INPP4B: variants seen among roughly 807,000 people sequenced by gnomAD.
INPP4B encodes the protein inositol polyphosphate 4-phosphatase type II.
INPP4B carries 55 observed loss-of-function variants against 122.5 expected under a neutral mutation model. The ratio of observed to expected loss-of-function variants is 0.45; its 90% confidence interval spans 0.36 to 0.56. The LOEUF (loss-of-function observed/expected upper bound fraction) is 0.56, where lower values mean the gene tolerates loss of function less well. Ranked by LOEUF, INPP4B falls within the 20% of genes least tolerant of loss-of-function variation. INPP4B has a pLI of 0.00. For synonymous variants in INPP4B, 403 were observed against 388.7 expected, an observed-to-expected ratio of 1.04 and a Z score of -0.43; for missense variants, 1,000 against 1,097.7, an observed-to-expected ratio of 0.91 and a Z score of 1.26.
chr4:142,694,688 T>C (rs1760772528), intron 2 of INPP4B, among the ~76,000 whole-genome samples: 1 of 152,168 alleles, frequency 6.6e-6, no homozygotes, highest in South Asian at 2.1e-4. Flanking sequence ...GGTCAGACAT[T>C]ATCTGCAGCT....
intron 1 of INPP4B, among the ~76,000 whole-genome samples, chr4:142,801,906 A>G (rs1283462626): frequency 2.6e-5 from 4 of 152,104 alleles, no homozygotes; most frequent in Non-Finnish European, 5.9e-5. Context: ...TCTGGTAAAT[A>G]CTCCATAGTT....
At position 142,024,412 on chromosome 4, in the gene INPP4B, A is replaced by C. The variant is rs1736391888; in HGVS notation, c.*4370T>G. ...CAAATCATTCTTTTTGGTCGTGCAT[A>C]ATTTTTAAGGCCTCCAGCTACTATG... On this transcript the variant is annotated 3_prime_UTR_variant, in exon 26 of 26. Transcript: ENST00000262992. 1 of 152,158 alleles carries C rather than the reference A, an allele frequency of 6.6e-6. No individual in the cohort carries two copies. The highest frequency in any genetic ancestry group is 6.5e-5 in the Admixed American group (1 of 15,272). The allele number at this position is 152,158 out of a possible 1,614,324, so 9.4% of individuals were successfully genotyped here.
At chr4:142,609,219 C>T (rs983832316) in intron 2 of INPP4B, among the ~76,000 whole-genome samples, 1 of 151,190 alleles carries the variant, frequency 6.6e-6, no homozygotes, top group African/African-American at 2.4e-5. Flanking sequence ...TATATTTAAA[C>T]ATAAATACTT....
intron 2 of INPP4B, among the ~76,000 whole-genome samples, chr4:142,713,648 A>G (rs147983682): frequency 1.3e-5 from 2 of 152,164 alleles, no homozygotes; most frequent in Non-Finnish European, 2.9e-5. Context: ...TCCAAAATCA[A>G]CCTTTCCAGA....
At chr4:142,789,156 C>T (rs894878117) in intron 1 of INPP4B, among the ~76,000 whole-genome samples, 1 of 152,066 alleles carries the variant, frequency 6.6e-6, no homozygotes, top group African/African-American at 2.4e-5. Flanking sequence ...TGAAAGCATT[C>T]CCTCTGAGAA....
chr4:142,215,799 G>A lies in INPP4B; in HGVS notation c.837-6773C>T, dbSNP rs541874969. Among the ~76,000 whole-genome samples, 35 of 150,258 alleles carry A rather than the reference G, an allele frequency of 2.3e-4. 2 individuals carry two copies. The South Asian group carries it at 4.5e-3, about 19-fold the overall frequency. ...TCCCAGCTACTCGGGAGGCTGAGGCGGGAGAATGGTGTGAACCCAGGAGGC... is the reference window on the plus strand; with the variant it reads ...TCCCAGCTACTCGGGAGGCTGAGGCAGGAGAATGGTGTGAACCCAGGAGGC... On this transcript the variant is annotated intron_variant, in intron 12 of 25. Transcript: ENST00000262992.
Position 142,061,534 on chromosome 4 carries a change from A to G in INPP4B, c.2642+20497T>C, listed in dbSNP as rs913913776. Reference sequence around the variant, plus strand: ...AAAAGCAAAGTATATAGTCTGACATATTTGGGAACAGTTAATTTACACCTA... The same window carrying G: ...AAAAGCAAAGTATATAGTCTGACATGTTTGGGAACAGTTAATTTACACCTA... On this transcript the variant is annotated intron_variant, in intron 25 of 25. Coordinates refer to ENST00000262992, the MANE Select transcript of INPP4B (RefSeq NM_001101669.3). Among the ~76,000 whole-genome samples, 6 of 152,100 alleles carry G rather than the reference A, an allele frequency of 3.9e-5. No homozygotes were observed. In the East Asian group the frequency reaches 1.2e-3, roughly 29 times the overall value.
At position 142,448,259 on chromosome 4, in the gene INPP4B, C is replaced by T. The variant is rs146972494; in HGVS notation, c.-127+14404G>A. Reference sequence around the variant, plus strand: ...GCTTGATGATGCTACACACCTATGGCCCTTGTTTTGGTTTCCAAACAGTGC... The same window carrying T: ...GCTTGATGATGCTACACACCTATGGTCCTTGTTTTGGTTTCCAAACAGTGC... On this transcript the variant is annotated intron_variant, in intron 3 of 25. Coordinates refer to ENST00000262992, the MANE Select transcript of INPP4B (RefSeq NM_001101669.3). 7.4e-4 allele frequency among the ~76,000 whole-genome samples: 111 copies of T among 149,502 alleles called. 5 individuals are homozygous for T. The South Asian group carries it at 0.021, about 28-fold the overall frequency.
chr4:142,619,289 C>T (rs1744373034), intron 2 of INPP4B, among the ~76,000 whole-genome samples: 1 of 151,998 alleles, frequency 6.6e-6, no homozygotes, highest in Admixed American at 6.6e-5. Flanking sequence ...TTTCCACTCC[C>T]ATGCTCACTG....
In INPP4B at chr4:142,182,479, C is replaced by T. The variant is rs370977654; in HGVS notation, c.1182-8670G>A. On this transcript the variant is annotated intron_variant, in intron 15 of 25. Coordinates refer to ENST00000262992, the MANE Select transcript of INPP4B (RefSeq NM_001101669.3). ...AGGAGAACTGCTTGAACCCGGGAGGCGGAGCTTGCAGTGAGCAGAGATCAC... is the reference window on the plus strand; with the variant it reads ...AGGAGAACTGCTTGAACCCGGGAGGTGGAGCTTGCAGTGAGCAGAGATCAC... Among the ~76,000 whole-genome samples, 752 of 131,886 alleles carry T rather than the reference C, an allele frequency of 5.7e-3. 3 individuals carry two copies. Among genetic ancestry groups the T allele is most frequent in the Middle Eastern group, 9.6e-3 (2 of 208 alleles). 86.5% of individuals were successfully genotyped at this position (131,886 alleles called of 152,430 possible). A position where few individuals can be genotyped will look rare whatever the true frequency, so the allele number is the denominator to read the frequency against.
At chr4:142,709,468 G>A (rs758899743) in intron 2 of INPP4B, among the ~76,000 whole-genome samples, 1 of 152,146 alleles carries the variant, frequency 6.6e-6, no homozygotes, top group Non-Finnish European at 1.5e-5. Flanking sequence ...TGGAAGAGGG[G>A]TCTGGTGGGA....
chr4:142,597,193 AG>A (rs1580460186), intron 2 of INPP4B, among the ~76,000 whole-genome samples: 1 of 152,230 alleles, frequency 6.6e-6, no homozygotes, highest in African/African-American at 2.4e-5. Context: ...CGGAACTTGT[AG>A]GAGTTCCTGT....
intron 3 of INPP4B, among the ~76,000 whole-genome samples, chr4:142,455,271 A>T (rs77159386): frequency 0.017 from 2,644 of 151,988 alleles, 83 homozygotes; most frequent in African/African-American, 0.06. Flanking sequence ...CATTCTTTCT[A>T]ATTATTTTCG....
At chr4:142,481,380 A>G (rs1315144542) in intron 2 of INPP4B, among the ~76,000 whole-genome samples, 1 of 152,088 alleles carries the variant, frequency 6.6e-6, no homozygotes, top group Non-Finnish European at 1.5e-5. Flanking sequence ...TAACTACACT[A>G]TTACAAACCC....
At chr4:142,238,552 G>A (rs190220303) in intron 11 of INPP4B, among the ~76,000 whole-genome samples, 107 of 151,998 alleles carry the variant, frequency 7.0e-4, no homozygotes, top group African/African-American at 2.3e-3. Context: ...TATTTCTTAC[G>A]TGTCAGAAAG....
chr4:142,090,108 A>T (rs1355941771), intron 23 of INPP4B, among the ~76,000 whole-genome samples: 1 of 152,142 alleles, frequency 6.6e-6, no homozygotes, highest in Non-Finnish European at 1.5e-5. Context: ...CATTATAGAC[A>T]TGGAAATGTT....
chr4:142,464,260 G>T (rs1450373584), intron 2 of INPP4B, among the ~76,000 whole-genome samples: 4 of 152,032 alleles, frequency 2.6e-5, no homozygotes, highest in Admixed American at 2.6e-4. Flanking sequence ...TTTTCAAATT[G>T]TAAATTTACT....
chr4:142,237,180 T>G (rs781022809), intron 12 of INPP4B, among the ~76,000 whole-genome samples: 1 of 152,120 alleles, frequency 6.6e-6, no homozygotes, highest in Non-Finnish European at 1.5e-5. Flanking sequence ...GTTTTTAGAC[T>G]AATAAATTTC....
At chr4:142,122,027 A>C in intron 21 of INPP4B, 101 bp downstream of exon 21, 2 of 743,890 alleles carry the variant, frequency 2.7e-6, no homozygotes, top group South Asian at 3.5e-5. Context: ...AAACAAAAGA[A>C]ATATTCCCAA....
Sources: gnomAD v4.1 joint callset for allele counts (sites outside exome capture counted in the v4.1 genomes callset) on GRCh38, gnomAD v4.1.1 for gene constraint, MANE v1.5 for transcripts, NCBI Gene and HGNC (gene_info 2026-07-23, HGNC 2026-07-21) for gene names.